DESI1: variants seen among roughly 807,000 people sequenced by gnomAD.
The protein encoded by DESI1 is desumoylating isopeptidase 1.
DESI1 carries 17 observed loss-of-function variants against 22.4 expected under a neutral mutation model. The observed-to-expected ratio is 0.76, with a 90% confidence interval of 0.52 to 1.14. The LOEUF (loss-of-function observed/expected upper bound fraction) is 1.14, where lower values mean the gene tolerates loss of function less well. DESI1 is among the 50% of genes most tolerant of loss of function. DESI1 has a pLI of 0.00. For synonymous variants in DESI1, 92 were observed against 84.2 expected, an observed-to-expected ratio of 1.09 and a Z score of -0.51; for missense variants, 177 against 208.9, an observed-to-expected ratio of 0.85 and a Z score of 0.94.
chr22:41,603,414 A>G (rs551115633), intron 4 of DESI1, 33 bp from the exon 5 acceptor site: 2 of 1,613,858 alleles, frequency 1.2e-6, no homozygotes, highest in South Asian at 2.2e-5. Flanking sequence ...AACATATATG[A>G]GAAACCAGCA....
chr22:41,603,993 A>G (rs1427918148), intron 4 of DESI1, 51 bp downstream of exon 4: 2 of 1,537,550 alleles, frequency 1.3e-6, no homozygotes, highest in Admixed American at 1.7e-5. Flanking sequence ...AGGGGTTATT[A>G]TCTAGCTGGG....
rs1460300094 is a variant in DESI1 at position 41,598,413 on chromosome 22, G to A, written c.*2684C>T. 6.6e-6 allele frequency: 1 copy of A among 152,346 alleles called. No homozygotes were observed. Among genetic ancestry groups the A allele is most frequent in the Admixed American group, 6.5e-5 (1 of 15,304 alleles). 9.4% of individuals were successfully genotyped at this position (152,346 alleles called of 1,614,324 possible). ...GTGACAGTGGGGCTCCCATTGGGAG[G>A]GAGAGCTTGCCTTCCCATGGAGCTC... On this transcript the variant is annotated 3_prime_UTR_variant, in exon 6 of 6. Coordinates refer to ENST00000263256, the MANE Select transcript of DESI1 (RefSeq NM_015704.3).
At chr22:41,606,773 C>CAAAA (rs67262006) in intron 3 of DESI1, among the ~76,000 whole-genome samples, 7 of 62,730 alleles carry the variant, frequency 1.1e-4, no homozygotes, top group African/African-American at 1.4e-4. Flanking sequence ...GACTCCATCT[C>CAAAA]AAAAAAAAAA....
In DESI1 at chr22:41,620,943, C is replaced by T. The variant is rs566521806; in HGVS notation, c.-104G>A. On this transcript the variant is annotated 5_prime_UTR_variant, in exon 1 of 6. Coordinates refer to ENST00000263256, the MANE Select transcript of DESI1 (RefSeq NM_015704.3). The stretch of plus-strand genomic sequence containing the variant: ...TGCGAAGCGGAGGGAGAGGGGGGGA[C>T]CGAGCCCGGGCCCGGGCTGAGGGGT... 415 of 1,361,498 alleles carry T rather than the reference C, an allele frequency of 3.0e-4. 1 individual carries two copies. Among genetic ancestry groups the T allele is most frequent in the Non-Finnish European group, 4.0e-4 (401 of 991,248 alleles). 84.3% of individuals were successfully genotyped at this position (1,361,498 alleles called of 1,614,324 possible). A position where few individuals can be genotyped will look rare whatever the true frequency, so the allele number is the denominator to read the frequency against.
chr22:41,618,807 G>A (rs1490644734), intron 1 of DESI1, among the ~76,000 whole-genome samples: 1 of 152,248 alleles, frequency 6.6e-6, no homozygotes, highest in Admixed American at 6.5e-5. Flanking sequence ...GCTGACGCCT[G>A]TAATCCCAGC....
intron 1 of DESI1, among the ~76,000 whole-genome samples, chr22:41,614,737 A>C (rs150827830): frequency 0.012 from 1,794 of 151,520 alleles, 41 homozygotes; most frequent in African/African-American, 0.041. Flanking sequence ...GGCATGCGCC[A>C]CCGTGCCCAG....
chr22:41,607,346 G>A lies in DESI1; in HGVS notation c.111-15C>T, dbSNP rs2147041925. ...TGGATGTGTGCCTGTCACACAGAGA[G>A]AGACACAGTAAGCCAGAAAACTTAA... On this transcript the variant is annotated splice_polypyrimidine_tract_variant and intron_variant, in intron 2 of 5. Transcript: ENST00000263256. 6.3e-7 allele frequency: 1 copy of A among 1,598,338 alleles called. No homozygotes were observed. The highest frequency in any genetic ancestry group is 1.1e-5 in the South Asian group (1 of 88,508).
intron 1 of DESI1, among the ~76,000 whole-genome samples, chr22:41,614,590 C>CTTTTTTTTTTTTTTTTTTTT (rs10523372): frequency 3.5e-5 from 3 of 85,724 alleles, no homozygotes; most frequent in Admixed American, 1.2e-4. Flanking sequence ...GGCCTACATC[C>CTTTTTTTTTTTTTTTTTTTT]TTTTTTTTTT....
chr22:41,607,774 C>T (rs977800345), intron 2 of DESI1, 66 bp downstream of exon 2: 2 of 1,584,772 alleles, frequency 1.3e-6, no homozygotes, highest in African/African-American at 1.3e-5. Flanking sequence ...CAGACTAGAA[C>T]CTGAAATGCA....
intron 1 of DESI1, among the ~76,000 whole-genome samples, chr22:41,618,839 C>T (rs1432951693): frequency 2.0e-5 from 3 of 152,152 alleles, no homozygotes; most frequent in Non-Finnish European, 2.9e-5. Flanking sequence ...CCAAGGCAGG[C>T]GGATCACAAG....
In DESI1 at chr22:41,607,459, C is replaced by A; in HGVS notation, c.111-128G>T. 3.6e-6 allele frequency: 3 copies of A among 839,910 alleles called. No individual in the cohort carries two copies. The South Asian group carries it at 5.7e-5, about 16-fold the overall frequency. The allele number at this position is 839,910 out of a possible 1,614,324, so 52.0% of individuals were successfully genotyped here. ...GTGGGGACCAGTCTTATAAAACCAA[C>A]AAACCAAAGGTATGAATATGATAAA... is the stretch of plus-strand genomic sequence containing the variant. On this transcript the variant is annotated intron_variant, in intron 2 of 5. Coordinates refer to ENST00000263256, the MANE Select transcript of DESI1 (RefSeq NM_015704.3).
Position 41,602,629 on chromosome 22 carries a change from C to G in DESI1, c.413+630G>C, listed in dbSNP as rs1235424454. On this transcript the variant is annotated intron_variant, in intron 5 of 5. Coordinates refer to ENST00000263256, the MANE Select transcript of DESI1 (RefSeq NM_015704.3). ...GAGGCTGCCTGAATGCAATCAACGACAAGAGGGAGGAGGTGAGATGGCTTT... is the reference window on the plus strand; with the variant it reads ...GAGGCTGCCTGAATGCAATCAACGAGAAGAGGGAGGAGGTGAGATGGCTTT... The G allele has an allele frequency of 4.1e-6, 4 of 986,538 alleles. No homozygotes were observed. In the African/African-American group the frequency reaches 5.2e-5, roughly 13 times the overall value. The allele number at this position is 986,538 out of a possible 1,614,324, so 61.1% of individuals were successfully genotyped here. A position where few individuals can be genotyped will look rare whatever the true frequency, so the allele number is the denominator to read the frequency against.
At chr22:41,619,834 C>G (rs943928045) in intron 1 of DESI1, among the ~76,000 whole-genome samples, 7 of 152,172 alleles carry the variant, frequency 4.6e-5, no homozygotes, top group African/African-American at 1.7e-4. Context: ...AAAAACTAGC[C>G]ATTCAAATGG....
At chr22:41,612,434 G>A (rs1484407452) in intron 1 of DESI1, among the ~76,000 whole-genome samples, 2 of 151,638 alleles carry the variant, frequency 1.3e-5, no homozygotes, top group Non-Finnish European at 2.9e-5. Flanking sequence ...ACTTGAACCC[G>A]GGAGGTGTTG....
intron 1 of DESI1, among the ~76,000 whole-genome samples, chr22:41,619,183 G>A (rs1314788917): frequency 6.6e-6 from 1 of 152,244 alleles, no homozygotes; most frequent in Non-Finnish European, 1.5e-5. Context: ...TTAACAACTG[G>A]TTATCTAGGC....
chr22:41,602,060 GA>G (rs1402173039), intron 5 of DESI1: 5 of 388,870 alleles, frequency 1.3e-5, no homozygotes, highest in African/African-American at 2.2e-5. Flanking sequence ...GTAACAGATG[GA>G]AAAAAAACTA....
At chr22:41,614,202 A>T (rs1489240913) in intron 1 of DESI1, among the ~76,000 whole-genome samples, 2 of 149,070 alleles carry the variant, frequency 1.3e-5, no homozygotes, top group African/African-American at 5.0e-5. Flanking sequence ...ATGCCCGGCT[A>T]ATTTTTTGTA....
chr22:41,620,316 C>T (rs1340985741), intron 1 of DESI1, among the ~76,000 whole-genome samples: 4 of 152,112 alleles, frequency 2.6e-5, no homozygotes, highest in Non-Finnish European at 5.9e-5. Flanking sequence ...ACCCGACCTC[C>T]GCAGTGTCTC....
intron 3 of DESI1, 97 bp from the exon 4 acceptor site, chr22:41,604,250 CTTTT>C (rs1264626626): frequency 0.012 from 3,393 of 282,436 alleles, no homozygotes; most frequent in Middle Eastern, 0.028. Flanking sequence ...TCTGTTCTGA[CTTTT>C]TTTTTTTTTT....
Sources: gnomAD v4.1 joint callset for allele counts (sites outside exome capture counted in the v4.1 genomes callset) on GRCh38, gnomAD v4.1.1 for gene constraint, MANE v1.5 for transcripts, NCBI Gene and HGNC (gene_info 2026-07-23, HGNC 2026-07-21) for gene names.